GPHN: variants seen among roughly 807,000 people sequenced by gnomAD.
The protein encoded by GPHN is gephyrin.
A neutral mutation model predicts 95.5 loss-of-function variants in GPHN; 17 were observed. The observed-to-expected ratio is 0.18, with a 90% CI of 0.12 to 0.27. The LOEUF is 0.27. Ranked by LOEUF, GPHN falls within the 10% of genes least tolerant of loss-of-function variation. GPHN has a pLI of 1.00. For missense variants in GPHN, 660 were observed against 978.1 expected (o/e 0.67, Z 4.34); for synonymous variants, 320 against 322.5 (o/e 0.99, Z 0.08).
intron 11 of GPHN, among the ~76,000 whole-genome samples, chr14:67,067,215 G>T (rs7142296): frequency 0.011 from 1,669 of 152,258 alleles, 24 homozygotes; most frequent in African/African-American, 0.037. Context: ...GTTGGAGTTT[G>T]CTGGAGGTCC....
chr14:67,572,469 G>A, the GPHN span, among the ~76,000 whole-genome samples: 1 of 152,170 alleles, frequency 6.6e-6, no homozygotes, highest in African/African-American at 2.4e-5. Flanking sequence ...AAGGAAGGAA[G>A]GAGGGAGCCC....
intron 1 of GPHN, among the ~76,000 whole-genome samples, chr14:66,680,272 C>T (rs1472725474): frequency 6.6e-6 from 1 of 152,120 alleles, no homozygotes. Flanking sequence ...TCTGGCTCCC[C>T]ACCCACTAAG....
the GPHN span, among the ~76,000 whole-genome samples, chr14:67,643,990 T>G: frequency 2.0e-5 from 3 of 151,642 alleles, no homozygotes; most frequent in East Asian, 5.8e-4. Context: ...CTCAGTGTAG[T>G]CTCTGGAAAT....
At chr14:67,345,943 A>G in the GPHN span, 26 of 877,580 alleles carry the variant, frequency 3.0e-5, no homozygotes, top group Non-Finnish European at 4.4e-5. Context: ...CCAAAAGGAG[A>G]TAATTCAGAA....
At chr14:67,239,581 C>G in the GPHN span, among the ~76,000 whole-genome samples, 1 of 152,132 alleles carries the variant, frequency 6.6e-6, no homozygotes, top group East Asian at 1.9e-4. Context: ...AGAGGCGGGG[C>G]ACGGTTGCTC....
the GPHN span, among the ~76,000 whole-genome samples, chr14:67,537,196 T>C: frequency 7.3e-6 from 1 of 136,240 alleles, no homozygotes; most frequent in African/African-American, 2.8e-5. Flanking sequence ...AATACAAAAA[T>C]TAGCCAGTGT....
chr14:67,456,157 G>T, the GPHN span, among the ~76,000 whole-genome samples: 1 of 152,252 alleles, frequency 6.6e-6, no homozygotes, highest in East Asian at 1.9e-4. Context: ...GTGGGCAAAA[G>T]ACATGAAGAG....
chr14:67,225,760 A>C, the GPHN span, among the ~76,000 whole-genome samples: 1 of 152,172 alleles, frequency 6.6e-6, no homozygotes, highest in African/African-American at 2.4e-5. Flanking sequence ...GCCCTGGCCT[A>C]CTGTATTCTA....
chr14:67,567,935 T>G, the GPHN span, among the ~76,000 whole-genome samples: 1 of 152,204 alleles, frequency 6.6e-6, no homozygotes, highest in African/African-American at 2.4e-5. Context: ...GTGGGTTGTT[T>G]ATGAGCAGTC....
At chr14:67,279,027 A>T in the GPHN span, 3 of 730,410 alleles carry the variant, frequency 4.1e-6, no homozygotes, top group Non-Finnish European at 2.0e-6. Flanking sequence ...GATTTCCTTC[A>T]TGGATACTTT....
chr14:67,181,064 C>G lies in GPHN; in HGVS notation c.*127C>G, dbSNP rs140391844. 216 of 794,550 alleles carry G rather than the reference C, an allele frequency of 2.7e-4. No homozygotes were observed. In the African/African-American group the frequency reaches 3.3e-3, roughly 12 times the overall value. The allele number at this position is 794,550 out of a possible 1,614,324, so 49.2% of individuals were successfully genotyped here. ...TGATCTGTATAGTCAACATCTTGAA[C>G]TATATTTCAAATGAATTTAAATATC... On this transcript the variant is annotated 3_prime_UTR_variant, in exon 23 of 23. Transcript: ENST00000478722.
At chr14:66,833,251 C>T (rs566062107) in intron 4 of GPHN, among the ~76,000 whole-genome samples, 6 of 152,134 alleles carry the variant, frequency 3.9e-5, no homozygotes, top group South Asian at 2.1e-4. Context: ...CTTCACATGG[C>T]GGCAGCAAGT....
the GPHN span, among the ~76,000 whole-genome samples, chr14:67,468,878 G>A: frequency 2.0e-5 from 3 of 150,206 alleles, no homozygotes; most frequent in African/African-American, 2.5e-5. Flanking sequence ...CTGGGTAATA[G>A]AGTGAGATTC....
intron 7 of GPHN, 29 bp downstream of exon 7, chr14:66,922,967 C>T (rs148732102): frequency 1.3e-6 from 2 of 1,591,994 alleles, no homozygotes; most frequent in Non-Finnish European, 8.6e-7. Flanking sequence ...ACTCAGAGGC[C>T]TAAAGGACCC....
intron 1 of GPHN, among the ~76,000 whole-genome samples, chr14:66,597,311 C>T (rs1007860238): frequency 3.9e-5 from 6 of 152,162 alleles, no homozygotes; most frequent in South Asian, 2.1e-4. Flanking sequence ...TTTTATATTA[C>T]GCATCCCTTT....
At chr14:67,611,385 C>G in the GPHN span, among the ~76,000 whole-genome samples, 1 of 152,008 alleles carries the variant, frequency 6.6e-6, no homozygotes, top group African/African-American at 2.4e-5. Context: ...CTCAGCCTCC[C>G]GAGTAGTTGG....
the GPHN span, among the ~76,000 whole-genome samples, chr14:67,352,304 T>C: frequency 6.6e-6 from 1 of 151,118 alleles, no homozygotes; most frequent in Non-Finnish European, 1.5e-5. Flanking sequence ...ACCTCGTCTC[T>C]ACTAAAAATA....
At chr14:66,985,555 G>C in intron 9 of GPHN, 1 of 596,964 alleles carries the variant, frequency 1.7e-6, no homozygotes. Context: ...TAACTCCTTG[G>C]CCTCCTAAGA....
chr14:67,070,990 C>A (rs2076281374), intron 11 of GPHN, among the ~76,000 whole-genome samples: 1 of 151,966 alleles, frequency 6.6e-6, no homozygotes, highest in Admixed American at 6.5e-5. Context: ...ACAACAGGTG[C>A]TGGAGAGGAT....
Sources: allele counts gnomAD v4.1 joint callset (sites outside exome capture counted in the v4.1 genomes callset), GRCh38; gene constraint gnomAD v4.1.1; transcripts MANE v1.5; gene names NCBI Gene and HGNC (gene_info 2026-07-23, HGNC 2026-07-21).